Variants in EHBP1L1 observed in about 807,000 individuals in gnomAD.
EHBP1L1 encodes EH domain binding protein 1 like 1, also known as EH domain-binding protein 1-like protein 1.
EHBP1L1 carries 122 observed loss-of-function variants against 151.1 expected under a neutral mutation model. The observed-to-expected ratio is 0.81, with a 90% CI of 0.70 to 0.94. The LOEUF (loss-of-function observed/expected upper bound fraction) is 0.94, where lower values mean the gene tolerates loss of function less well. Ranked by LOEUF, EHBP1L1 falls within the 40% of genes least tolerant of loss-of-function variation. The probability of loss-of-function intolerance (pLI) is 0.00; values close to 1 mark genes in which losing one functional copy is unlikely to be tolerated. For missense variants in EHBP1L1, 1,941 were observed against 1,959.8 expected (o/e 0.99, Z 0.18); for synonymous variants, 878 against 810.1 (o/e 1.08, Z -1.42).
Position 65,590,437 on chromosome 11 carries a change from C to CT in EHBP1L1, c.4184-56_4184-55insT. ...AACCCCCTCCCCCAACCCCCAGCTG[C>CT]CCTACCCTGACACGGGGCAGGGGGC... On this transcript the variant is annotated intron_variant, in intron 15 of 18. Coordinates refer to ENST00000309295, the MANE Select transcript of EHBP1L1 (RefSeq NM_001099409.3). 14 of 1,590,666 alleles carry CT rather than the reference C, an allele frequency of 8.8e-6. No homozygotes were observed. In the South Asian group the frequency reaches 1.6e-4, roughly 18 times the overall value.
rs1466828511 is a variant in EHBP1L1 at position 65,584,965 on chromosome 11, G to A, written c.3307G>A (p.Asp1103Asn). The change falls in exon 12 of 19, where the codon GAT (aspartate) becomes AAT (asparagine). Residue 1103 changes from aspartate to asparagine, a missense_variant. Physicochemically the swap from Asp to Asn is conservative, Grantham distance 23 (BLOSUM62 1). Transcript: ENST00000309295. ...NIKQNNKQAF[D>N]GFAALGVSRL... Reference sequence around the variant, plus strand: ...GAGTGCACCCTTCCCCTAGGCCTTCGATGGCTTCGCGGCTCTGGGCGTGTC... The same window carrying A: ...GAGTGCACCCTTCCCCTAGGCCTTCAATGGCTTCGCGGCTCTGGGCGTGTC... The A allele has an allele frequency of 3.3e-6, 5 of 1,533,460 alleles. No individual in the cohort carries two copies. Among genetic ancestry groups the A allele is most frequent in the Admixed American group, 2.0e-5 (1 of 50,762 alleles). 95.0% of individuals were successfully genotyped at this position (1,533,460 alleles called of 1,614,324 possible). A position where few individuals can be genotyped will look rare whatever the true frequency, so the allele number is the denominator to read the frequency against.
intron 9 of EHBP1L1, 58 bp from the exon 10 acceptor site, chr11:65,584,183 G>A: frequency 6.4e-7 from 1 of 1,569,290 alleles, no homozygotes. Context: ...GCTTCCCCAA[G>A]AGGCAGAGGG....
At chr11:65,586,012 G>A (rs1321456839) in intron 12 of EHBP1L1, among the ~76,000 whole-genome samples, 1 of 152,184 alleles carries the variant, frequency 6.6e-6, no homozygotes, top group Admixed American at 6.5e-5. Flanking sequence ...TTCCCTGCAG[G>A]TGGCTCATCG....
At position 65,576,141 on chromosome 11, in the gene EHBP1L1, A is replaced by G; in HGVS notation, c.-162A>G. ...TCAGCCAGACCACCCTGCGGGCCCC[A>G]GCGGCGGCAGCGGAGAGCGCGGTCC... On this transcript the variant is annotated 5_prime_UTR_variant, in exon 1 of 19. Transcript: ENST00000309295. 2.2e-6 allele frequency: 1 copy of G among 461,452 alleles called. No homozygotes were observed. The allele number at this position is 461,452 out of a possible 1,614,324, so 28.6% of individuals were successfully genotyped here.
At chr11:65,576,480 C>A in intron 1 of EHBP1L1, 74 bp downstream of exon 1, 2 of 1,366,100 alleles carry the variant, frequency 1.5e-6, no homozygotes, top group Non-Finnish European at 2.0e-6. Flanking sequence ...CCTGAGAGGA[C>A]TCTGCCCCCC....
Position 65,585,376 on chromosome 11 carries a change from G to T in EHBP1L1, c.3718G>T (p.Val1240Leu). The T allele has an allele frequency of 8.2e-7, 1 of 1,216,204 alleles. No individual in the cohort carries two copies. The highest frequency in any genetic ancestry group is 1.0e-6 in the Non-Finnish European group (1 of 975,374). The allele number at this position is 1,216,204 out of a possible 1,614,324, so 75.3% of individuals were successfully genotyped here. ...CGCGGAGGTCCCGGCCGAGGGGCTG[G>T]TGAACGGGGCGGGGGCACCGGGCGG... The part of the protein sequence containing the change: ...RPAEVPAEGL[V>L]NGAGAPGGGG... The change falls in exon 12 of 19, where the codon GTG becomes TTG. Residue 1240 changes from valine to leucine, a missense_variant. By Grantham distance (32) the Val-to-Leu change is conservative. Coordinates refer to ENST00000309295, the MANE Select transcript of EHBP1L1 (RefSeq NM_001099409.3). This position sits in a 1 kb window ranked among gnomAD's most constrained non-coding sequence, Gnocchi z 4.0.
intron 6 of EHBP1L1, 27 bp from the exon 7 acceptor site, chr11:65,581,031 C>T (rs774383927): frequency 1.9e-6 from 3 of 1,579,648 alleles, no homozygotes; most frequent in South Asian, 1.2e-5. Context: ...CTGACTCTGC[C>T]CTTCTCCCCT....
chr11:65,590,428 C>A, intron 15 of EHBP1L1, 65 bp from the exon 16 acceptor site: 2 of 1,576,078 alleles, frequency 1.3e-6, no homozygotes, highest in Middle Eastern at 2.0e-4. Flanking sequence ...CTCCCCCAAC[C>A]CCCAGCTGCC....
chr11:65,579,041 C>G, intron 1 of EHBP1L1, 37 bp from the exon 2 acceptor site: 1 of 1,552,452 alleles, frequency 6.4e-7, no homozygotes, highest in Non-Finnish European at 8.7e-7. Context: ...GACCAAGCAG[C>G]CTGCTCCCTT....
intron 12 of EHBP1L1, among the ~76,000 whole-genome samples, chr11:65,587,500 G>C (rs547672209): frequency 6.6e-6 from 1 of 152,182 alleles, no homozygotes; most frequent in African/African-American, 2.4e-5. Flanking sequence ...TGCCTGTCCC[G>C]TCAGCTCAGC....
At position 65,581,210 on chromosome 11, in the gene EHBP1L1, G is replaced by A. The variant is rs1291694313; in HGVS notation, c.704-1G>A. The A allele has an allele frequency of 6.2e-7, 1 of 1,609,174 alleles. No individual in the cohort carries two copies. Among genetic ancestry groups the A allele is most frequent in the Non-Finnish European group, 8.5e-7 (1 of 1,177,830 alleles). On this transcript the variant is annotated splice_acceptor_variant, in intron 7 of 18. Transcript: ENST00000309295. LOFTEE classifies it high-confidence loss of function. ...CACAGTGTCCCCCTCTTTCTTCTCA[G>A]TTGCCAGCCCTTCTAATGCTGAGGA...
At chr11:65,583,840 A>C in intron 9 of EHBP1L1, 75 bp downstream of exon 9, 1 of 1,432,102 alleles carries the variant, frequency 7.0e-7, no homozygotes, top group Non-Finnish European at 9.1e-7. Context: ...GCGGCTCTGC[A>C]TGGACCCACC....
Position 65,584,264 on chromosome 11 carries a change from C to T in EHBP1L1, c.3117C>T (p.Ser1039=), listed in dbSNP as rs1857809603. 1.2e-6 allele frequency: 2 copies of T among 1,611,052 alleles called. No homozygotes were observed. The highest frequency in any genetic ancestry group is 1.7e-6 in the Non-Finnish European group (2 of 1,178,902). Reference sequence around the variant, plus strand: ...AGGCACCACCTGCCCTGGTCAGCTCCAGCCAGTCCCTGCTGGAGTGGTGCC... The same window carrying T: ...AGGCACCACCTGCCCTGGTCAGCTCTAGCCAGTCCCTGCTGGAGTGGTGCC... ...GSQAPPALVS[S]SQSLLEWCQE... Residue 1039 remains serine (S), a synonymous_variant, in exon 10 of 19, where the codon TCC becomes TCT. Transcript: ENST00000309295.
rs750487286 is a variant in EHBP1L1 at position 65,585,530 on chromosome 11, G to A, written c.3872G>A (p.Arg1291Gln). 3 of 1,575,184 alleles carry A rather than the reference G, an allele frequency of 1.9e-6. No homozygotes were observed. The highest frequency in any genetic ancestry group is 1.3e-5 in the African/African-American group (1 of 74,200). Residue 1291 changes from arginine to glutamine, a missense_variant, in exon 12 of 19, where the codon CGG becomes CAG. Arg to Gln is a conservative substitution (Grantham distance 43). Coordinates refer to ENST00000309295, the MANE Select transcript of EHBP1L1 (RefSeq NM_001099409.3). This position sits in a 1 kb window ranked among gnomAD's most constrained non-coding sequence, Gnocchi z 4.0. ...DLLKKRRSRLRNSSSFSMDDP... is the reference protein window; with the variant it reads ...DLLKKRRSRLQNSSSFSMDDP... ...CTCAAGAAGAGGCGCTCGCGGCTGC[G>A]GAACAGCAGCTCGTTCTCGATGGAC...
chr11:65,592,150 G>A (rs920599209), intron 18 of EHBP1L1, 53 bp from the exon 19 acceptor site: 21 of 1,609,176 alleles, frequency 1.3e-5, no homozygotes, highest in Non-Finnish European at 1.8e-5. Context: ...CCCGCAGAGG[G>A]CTGCGTGTGG....
chr11:65,576,491 C>T (rs1024308858), intron 1 of EHBP1L1, 85 bp downstream of exon 1: 5 of 1,277,086 alleles, frequency 3.9e-6, no homozygotes, highest in African/African-American at 1.5e-5. Context: ...TCTGCCCCCC[C>T]AGCCCAATGA....
In EHBP1L1 at chr11:65,579,967, A is replaced by G. The variant is rs1857517249; in HGVS notation, c.290A>G (p.Glu97Gly). The G allele has an allele frequency of 6.2e-7, 1 of 1,613,716 alleles. No individual in the cohort carries two copies. Among genetic ancestry groups the G allele is most frequent in the South Asian group, 1.1e-5 (1 of 91,086 alleles). ...DPHVDQYEAK[E>G]WTFIIENESK... Reference sequence around the variant, plus strand: ...CACGTGGACCAGTATGAGGCCAAAGAGTGGACATTTATTATTGAAAATGTG... The same window carrying G: ...CACGTGGACCAGTATGAGGCCAAAGGGTGGACATTTATTATTGAAAATGTG... The change falls in exon 4 of 19, where the codon GAG (glutamate) becomes GGG (glycine). Residue 97 changes from glutamate to glycine, a missense_variant. Physicochemically the swap from Glu to Gly is moderately conservative, Grantham distance 98. Transcript: ENST00000309295.
Position 65,589,765 on chromosome 11 carries a change from T to C in EHBP1L1, c.3948T>C (p.Pro1316=). The C allele has an allele frequency of 6.5e-7, 1 of 1,550,006 alleles. No homozygotes were observed. The highest frequency in any genetic ancestry group is 1.2e-5 in the South Asian group (1 of 83,644). The change falls in exon 13 of 19, where the codon CCT becomes CCC. Residue 1316 remains proline, a synonymous_variant. Transcript: ENST00000309295. ...MGAAAAEGQA[P]DPSPAPGPPT... is the part of the protein sequence containing the mutation. ...TTCTTCCACAGGAAGGCCAGGCCCCTGACCCCAGCCCTGCCCCAGGCCCAC... is the reference window on the plus strand; with the variant it reads ...TTCTTCCACAGGAAGGCCAGGCCCCCGACCCCAGCCCTGCCCCAGGCCCAC...
At chr11:65,590,251 A>G in intron 15 of EHBP1L1, 41 bp downstream of exon 15, 1 of 1,607,820 alleles carries the variant, frequency 6.2e-7, no homozygotes, top group Non-Finnish European at 8.5e-7. Flanking sequence ...AACACATGCC[A>G]CTAGGTCTGT....
Sources: allele counts gnomAD v4.1 joint callset (sites outside exome capture counted in the v4.1 genomes callset), GRCh38; gene constraint gnomAD v4.1.1; non-coding constraint Gnocchi (gnomAD v3.1); transcripts MANE v1.5; gene names NCBI Gene and HGNC (gene_info 2026-07-23, HGNC 2026-07-21).